The following KIF26B variants were observed in gnomAD, a reference collection of about 807,000 sequenced individuals.
The protein encoded by KIF26B is kinesin family member 26B.
Under a neutral mutation model 151.2 loss-of-function variants are expected in KIF26B, and 63 were observed. The ratio of observed to expected loss-of-function variants is 0.42; its 90% confidence interval spans 0.34 to 0.51. The LOEUF is 0.51. Among genes scored for constraint, KIF26B ranks in the 20% least tolerant of loss-of-function variants. KIF26B has a pLI of 0.07. For missense variants in KIF26B, 2,813 were observed against 2,913.6 expected (o/e 0.97, Z 0.79); for synonymous variants, 1,357 against 1,262.1 (o/e 1.08, Z -1.59).
chr1:245,369,073 GGCT>G (rs946382850), intron 3 of KIF26B, among the ~76,000 whole-genome samples: 4 of 152,170 alleles, frequency 2.6e-5, no homozygotes, highest in African/African-American at 9.7e-5. Context: ...AGGAGGCGGA[GGCT>G]GCAGTGAGCC....
chr1:245,703,665 A>C lies in KIF26B; in HGVS notation c.*1059A>C, dbSNP rs2147973526. ...TCACCAGAGCCATATTTCTTTCTTT[A>C]GTATTTTCTAGTGTTGTGTTGTAGA... On this transcript the variant is annotated 3_prime_UTR_variant, in exon 15 of 15. Transcript: ENST00000407071. The C allele has an allele frequency of 6.6e-6, 1 of 152,286 alleles. No individual in the cohort carries two copies. Among genetic ancestry groups the C allele is most frequent in the East Asian group, 1.9e-4 (1 of 5,176 alleles). 9.4% of individuals were successfully genotyped at this position (152,286 alleles called of 1,614,324 possible).
intron 4 of KIF26B, among the ~76,000 whole-genome samples, chr1:245,520,990 T>C (rs1453518847): frequency 2.0e-5 from 3 of 152,158 alleles, no homozygotes; most frequent in African/African-American, 7.2e-5. Flanking sequence ...AAAGCAAGGA[T>C]ACTGGTGAAC....
Position 245,156,285 on chromosome 1 carries a change from A to C in KIF26B, c.67A>C (p.Asn23His). Reference sequence around the variant, plus strand: ...CACCGGCGTGTCTTCCCCGCAGGTGAATGAAGTCTGCTCGCCCACCAAGCC... The same window carrying C: ...CACCGGCGTGTCTTCCCCGCAGGTGCATGAAGTCTGCTCGCCCACCAAGCC... ...VSTRGKKYGV[N>H]EVCSPTKPAA... The change falls in exon 2 of 15, where the codon AAT (asparagine) becomes CAT (histidine). Residue 23 changes from asparagine (N) to histidine (H), a missense_variant. Physicochemically the swap from Asn to His is moderately conservative, Grantham distance 68. Transcript: ENST00000407071. 6.5e-7 allele frequency: 1 copy of C among 1,546,598 alleles called. No homozygotes were observed. Among genetic ancestry groups the C allele is most frequent in the Non-Finnish European group, 8.7e-7 (1 of 1,145,928 alleles).
rs749031867 is a variant in KIF26B, at chr1:245,318,400, C to A, written c.466-48434C>A. 5.9e-5 allele frequency among the ~76,000 whole-genome samples: 9 copies of A among 152,330 alleles called. No homozygotes were observed. The highest frequency in any genetic ancestry group is 3.4e-3 in the Middle Eastern group (1 of 294). ...AGAATTCTGCCAGCACCAACCTGAT[C>A]ATCCTTCTGGGCATGGCCAAATGCC... On this transcript the variant is annotated intron_variant, in intron 2 of 14. Coordinates refer to ENST00000407071, the MANE Select transcript of KIF26B (RefSeq NM_018012.4). The surrounding 1 kb of genome is among the most constrained non-coding windows in gnomAD (Gnocchi z 4.0).
chr1:245,336,718 A>G (rs9428641), intron 2 of KIF26B, among the ~76,000 whole-genome samples: 37,432 of 151,842 alleles, frequency 0.25, 6,902 homozygotes, highest in African/African-American at 0.49. Flanking sequence ...GACCTTCCTC[A>G]CCTGAATACA....
chr1:245,581,175 T>C (rs2103129499), intron 5 of KIF26B, among the ~76,000 whole-genome samples: 1 of 152,338 alleles, frequency 6.6e-6, no homozygotes, highest in East Asian at 1.9e-4. Flanking sequence ...ACATCCATCC[T>C]TTTGGTCCTT....
intron 4 of KIF26B, among the ~76,000 whole-genome samples, chr1:245,468,007 C>A (rs1232119229): frequency 2.0e-5 from 3 of 151,408 alleles, no homozygotes; most frequent in Non-Finnish European, 4.4e-5. Flanking sequence ...GGTTGAACAC[C>A]CCTGAAGCAT....
At position 245,406,137 on chromosome 1, in the gene KIF26B, C is replaced by T. The variant is rs149730276; in HGVS notation, c.1000-13442C>T. ...TTAGGAAGCACAGGGCACGTTCAGCCGCATGGCCCTCCAGTCATCCTATGT... is the reference window on the plus strand; with the variant it reads ...TTAGGAAGCACAGGGCACGTTCAGCTGCATGGCCCTCCAGTCATCCTATGT... On this transcript the variant is annotated intron_variant, in intron 3 of 14. Transcript: ENST00000407071. Among the ~76,000 whole-genome samples the T allele has an allele frequency of 3.9e-3, 598 of 152,260 alleles. 7 individuals carry two copies. Among genetic ancestry groups the T allele is most frequent in the African/African-American group, 0.013 (559 of 41,556 alleles).
At chr1:245,649,180 G>A (rs2043986670) in intron 10 of KIF26B, among the ~76,000 whole-genome samples, 1 of 152,208 alleles carries the variant, frequency 6.6e-6, no homozygotes, top group Non-Finnish European at 1.5e-5. Context: ...CCACGGCCTA[G>A]ATTCAATATT....
chr1:245,600,215 TTTTTAGTAGAGACGGGGTTTCACCG>T (rs1233751535), intron 5 of KIF26B, among the ~76,000 whole-genome samples: 1 of 119,076 alleles, frequency 8.4e-6, no homozygotes, highest in African/African-American at 3.2e-5. Context: ...ATTTTTTGTA[TTTTTAGTAGAGACGGGGTTTCACCG>T]TGTTAGCCAG....
At chr1:245,533,538 T>C (rs1440466281) in intron 4 of KIF26B, among the ~76,000 whole-genome samples, 3 of 152,220 alleles carry the variant, frequency 2.0e-5, no homozygotes, top group Non-Finnish European at 4.4e-5. Flanking sequence ...CTTTTAAAGA[T>C]ATAGAGGTCC....
rs1659937453 is a variant in KIF26B at position 245,472,463 on chromosome 1, G to C, written c.1166+52718G>C. Among the ~76,000 whole-genome samples the C allele has an allele frequency of 2.0e-5, 3 of 152,278 alleles. 1 individual carries two copies. In the Middle Eastern group the frequency reaches 0.01, roughly 518 times the overall value. On this transcript the variant is annotated intron_variant, in intron 4 of 14. Transcript: ENST00000407071. ...TGGGGGGTTTGGAAATATTTCTACTGTACTTATATTTATCAAGTGAGCACC... is the reference window on the plus strand; with the variant it reads ...TGGGGGGTTTGGAAATATTTCTACTCTACTTATATTTATCAAGTGAGCACC...
intron 5 of KIF26B, among the ~76,000 whole-genome samples, chr1:245,541,460 T>C (rs545687296): frequency 3.3e-5 from 5 of 152,230 alleles, no homozygotes; most frequent in Non-Finnish European, 5.9e-5. Context: ...TTGTTACAAA[T>C]GCTCAGGAAG....
At chr1:245,384,761 G>T (rs1233845057) in intron 3 of KIF26B, among the ~76,000 whole-genome samples, 1 of 152,188 alleles carries the variant, frequency 6.6e-6, no homozygotes, top group Non-Finnish European at 1.5e-5. Flanking sequence ...TAAATACCAT[G>T]AATTAATAAA....
At chr1:245,529,889 C>T (rs937941695) in intron 4 of KIF26B, among the ~76,000 whole-genome samples, 24 of 151,970 alleles carry the variant, frequency 1.6e-4, no homozygotes, top group African/African-American at 5.8e-4. Flanking sequence ...AAGAGACAAC[C>T]CACAGAATGG....
At chr1:245,528,010 C>T (rs950258026) in intron 4 of KIF26B, among the ~76,000 whole-genome samples, 15 of 151,940 alleles carry the variant, frequency 9.9e-5, no homozygotes, top group Non-Finnish European at 2.1e-4. Flanking sequence ...CAGATCAGGC[C>T]AGGAACATAA....
At chr1:245,423,097 CAA>C (rs35659375) in intron 4 of KIF26B, among the ~76,000 whole-genome samples, 8 of 77,628 alleles carry the variant, frequency 1.0e-4, no homozygotes, top group Admixed American at 2.9e-4. Flanking sequence ...GACTCAGTCT[CAA>C]AAAAAAAAAA....
At chr1:245,359,617 C>T (rs1267787989) in intron 2 of KIF26B, among the ~76,000 whole-genome samples, 1 of 151,000 alleles carries the variant, frequency 6.6e-6, no homozygotes. Context: ...CTCCAGGAAC[C>T]CAGTATTATT....
intron 4 of KIF26B, among the ~76,000 whole-genome samples, chr1:245,507,935 C>A (rs1315155954): frequency 6.6e-6 from 1 of 152,148 alleles, no homozygotes; most frequent in Non-Finnish European, 1.5e-5. Flanking sequence ...AGTTTAGTGA[C>A]CATTTTCATA....
Sources: gnomAD v4.1 joint callset for allele counts (sites outside exome capture counted in the v4.1 genomes callset) on GRCh38, gnomAD v4.1.1 for gene constraint, Gnocchi (gnomAD v3.1) non-coding constraint, MANE v1.5 for transcripts, NCBI Gene and HGNC (gene_info 2026-07-23, HGNC 2026-07-21) for gene names.